Variants in RNGTT observed in about 807,000 individuals in gnomAD.
RNGTT encodes the protein RNA guanylyltransferase and 5'-phosphatase, also known as mRNA-capping enzyme.
RNGTT carries 33 observed loss-of-function variants against 79.3 expected under a neutral mutation model. The observed-to-expected ratio is 0.42, with a 90% confidence interval of 0.32 to 0.56. The LOEUF (loss-of-function observed/expected upper bound fraction) is 0.56, where lower values mean the gene tolerates loss of function less well. RNGTT is among the 20% of genes least tolerant of loss of function. The pLI is 0.17. For missense variants in RNGTT, 497 were observed against 739.1 expected (o/e 0.67, Z 3.80); for synonymous variants, 222 against 235.9 (o/e 0.94, Z 0.54).
intron 13 of RNGTT, among the ~76,000 whole-genome samples, chr6:88,756,611 T>C (rs1313156167): frequency 3.9e-5 from 6 of 152,224 alleles, no homozygotes; most frequent in Non-Finnish European, 7.3e-5. Flanking sequence ...AAACCAACTA[T>C]ATTTTCAAGT....
At chr6:88,655,430 T>C (rs990539747) in intron 14 of RNGTT, among the ~76,000 whole-genome samples, 6 of 152,232 alleles carry the variant, frequency 3.9e-5, no homozygotes, top group Admixed American at 1.3e-4. Context: ...CTATTGCATA[T>C]GCACACGAAT....
intron 13 of RNGTT, among the ~76,000 whole-genome samples, chr6:88,737,595 G>T (rs1036283246): frequency 6.6e-6 from 1 of 152,154 alleles, no homozygotes; most frequent in Admixed American, 6.5e-5. Flanking sequence ...GAGGTCACAA[G>T]GGTGGGGTCC....
At chr6:88,706,432 T>C (rs1776132363) in intron 13 of RNGTT, among the ~76,000 whole-genome samples, 1 of 152,094 alleles carries the variant, frequency 6.6e-6, no homozygotes, top group South Asian at 2.1e-4. Context: ...ATCTATTTTA[T>C]ATAAATAACT....
intron 1 of RNGTT, among the ~76,000 whole-genome samples, chr6:88,961,317 G>A (rs758813113): frequency 1.1e-4 from 16 of 151,802 alleles, no homozygotes; most frequent in Non-Finnish European, 1.8e-4. Context: ...TCCCCTTTAC[G>A]TCTGTATGTG....
chr6:88,835,297 A>G (rs1012825968), intron 11 of RNGTT, among the ~76,000 whole-genome samples: 1 of 152,082 alleles, frequency 6.6e-6, no homozygotes, highest in African/African-American at 2.4e-5. Flanking sequence ...AAAATCACTC[A>G]AGAGTGATTC....
chr6:88,621,089 T>C (rs1772426569), intron 14 of RNGTT, among the ~76,000 whole-genome samples: 1 of 152,190 alleles, frequency 6.6e-6, no homozygotes, highest in African/African-American at 2.4e-5. Flanking sequence ...GGAGGTGCTG[T>C]GTATGAGGCA....
At chr6:88,862,545 C>T (rs1782048347) in intron 8 of RNGTT, among the ~76,000 whole-genome samples, 1 of 152,066 alleles carries the variant, frequency 6.6e-6, no homozygotes, top group African/African-American at 2.4e-5. Flanking sequence ...CGTAAGTTTC[C>T]CTGAATTCTG....
chr6:88,747,592 T>TC (rs1424353818), intron 13 of RNGTT, among the ~76,000 whole-genome samples: 1 of 152,154 alleles, frequency 6.6e-6, no homozygotes, highest in Non-Finnish European at 1.5e-5. Context: ...AAAGCCTGTA[T>TC]CCCCGTGTTT....
At chr6:88,884,625 C>T (rs1347027899) in intron 8 of RNGTT, among the ~76,000 whole-genome samples, 4 of 152,120 alleles carry the variant, frequency 2.6e-5, no homozygotes, top group Non-Finnish European at 5.9e-5. Context: ...AGTAGAGTTT[C>T]ACACACTCAG....
intron 11 of RNGTT, among the ~76,000 whole-genome samples, chr6:88,825,777 T>C (rs530519434): frequency 3.3e-5 from 5 of 152,362 alleles, no homozygotes; most frequent in Non-Finnish European, 7.3e-5. Flanking sequence ...ATTGCTCTGA[T>C]TATGACCATT....
intron 14 of RNGTT, among the ~76,000 whole-genome samples, chr6:88,628,852 A>G (rs1396094212): frequency 6.6e-6 from 1 of 152,224 alleles, no homozygotes; most frequent in South Asian, 2.1e-4. Flanking sequence ...CAAATCAAGA[A>G]ATGACTAACA....
chr6:88,963,115 T>A (rs899383931), intron 1 of RNGTT, among the ~76,000 whole-genome samples: 2 of 152,138 alleles, frequency 1.3e-5, no homozygotes, highest in African/African-American at 4.8e-5. Flanking sequence ...CCTGTCTACC[T>A]TCACATTCGC....
intron 6 of RNGTT, among the ~76,000 whole-genome samples, chr6:88,895,171 T>C (rs1783192030): frequency 2.6e-5 from 4 of 151,976 alleles, no homozygotes; most frequent in African/African-American, 9.7e-5. Context: ...AGTGATCCTT[T>C]AGACAGAAAT....
intron 13 of RNGTT, among the ~76,000 whole-genome samples, chr6:88,709,164 G>A (rs1776238850): frequency 6.6e-6 from 1 of 152,138 alleles, no homozygotes; most frequent in African/African-American, 2.4e-5. Flanking sequence ...AAGTAGCCAG[G>A]CATGCTGGCA....
intron 12 of RNGTT, among the ~76,000 whole-genome samples, chr6:88,800,323 T>C (rs1428967624): frequency 6.6e-6 from 1 of 152,176 alleles, no homozygotes; most frequent in Non-Finnish European, 1.5e-5. Flanking sequence ...AACGAGCATT[T>C]CCTTTGAGCA....
At chr6:88,832,733 GA>G (rs1290710711) in intron 11 of RNGTT, among the ~76,000 whole-genome samples, 1 of 151,258 alleles carries the variant, frequency 6.6e-6, no homozygotes, top group East Asian at 1.9e-4. Flanking sequence ...AAATTTACAA[GA>G]AAAAACAACC....
intron 2 of RNGTT, among the ~76,000 whole-genome samples, chr6:88,935,207 T>C (rs1465856754): frequency 2.0e-5 from 3 of 152,256 alleles, no homozygotes; most frequent in Admixed American, 6.5e-5. Flanking sequence ...ATGTATGTTC[T>C]TGGTGCCTTT....
intron 14 of RNGTT, among the ~76,000 whole-genome samples, chr6:88,644,752 C>T (rs1015775941): frequency 4.6e-5 from 7 of 152,116 alleles, no homozygotes; most frequent in African/African-American, 7.2e-5. Flanking sequence ...AGACAAAAAC[C>T]ACATGATTAT....
chr6:88,674,959 G>A (rs745575218), intron 14 of RNGTT, among the ~76,000 whole-genome samples: 4 of 152,004 alleles, frequency 2.6e-5, no homozygotes, highest in East Asian at 3.9e-4. Context: ...TTAGCCAGGC[G>A]TGGTGGTGCG....
Sources: allele counts gnomAD v4.1 joint callset (sites outside exome capture counted in the v4.1 genomes callset), GRCh38; gene constraint gnomAD v4.1.1; transcripts MANE v1.5; gene names NCBI Gene and HGNC (gene_info 2026-07-23, HGNC 2026-07-21).